The following ADAMTS17 variants were observed in gnomAD, a reference collection of about 807,000 sequenced individuals.
ADAMTS17 encodes A disintegrin and metalloproteinase with thrombospondin motifs 17.
Under a neutral mutation model 141.5 loss-of-function variants are expected in ADAMTS17, and 113 were observed. The observed-to-expected ratio is 0.80, with a 90% CI of 0.69 to 0.93. ADAMTS17 has a LOEUF of 0.93. ADAMTS17 is among the 40% of genes least tolerant of loss of function. The probability of loss-of-function intolerance (pLI) is 0.00; values close to 1 mark genes in which losing one functional copy is unlikely to be tolerated. For synonymous variants in ADAMTS17, 768 were observed against 630.6 expected, an observed-to-expected ratio of 1.22 and a Z score of -3.27; for missense variants, 1,659 against 1,517.9, an observed-to-expected ratio of 1.09 and a Z score of -1.54.
intron 18 of ADAMTS17, among the ~76,000 whole-genome samples, chr15:100,031,220 G>C (rs1348035736): frequency 2.0e-5 from 3 of 152,164 alleles, no homozygotes; most frequent in South Asian, 4.1e-4. Context: ...GAAATGGATG[G>C]AGCATTTCAT....
At chr15:100,330,152 G>A (rs546901991) in intron 3 of ADAMTS17, among the ~76,000 whole-genome samples, 1 of 152,252 alleles carries the variant, frequency 6.6e-6, no homozygotes, top group East Asian at 1.9e-4. Context: ...TTCAAAGAGA[G>A]ACCCAGAGTA....
intron 18 of ADAMTS17, among the ~76,000 whole-genome samples, chr15:100,035,284 A>G (rs1337245845): frequency 6.6e-6 from 1 of 152,224 alleles, no homozygotes; most frequent in Admixed American, 6.5e-5. Context: ...GAAGGTCTCA[A>G]ATGGTTTCTT....
chr15:100,161,452 C>T (rs965392574), intron 8 of ADAMTS17, among the ~76,000 whole-genome samples: 5 of 152,132 alleles, frequency 3.3e-5, no homozygotes, highest in African/African-American at 4.8e-5. Flanking sequence ...CTTGGGCTCC[C>T]GTGAACACAG....
Position 100,034,262 on chromosome 15 carries a change from G to A in ADAMTS17, c.2591+14595C>T, listed in dbSNP as rs115617972. On this transcript the variant is annotated intron_variant, in intron 18 of 21. Coordinates refer to ENST00000268070, the MANE Select transcript of ADAMTS17 (RefSeq NM_139057.4). Reference sequence around the variant, plus strand: ...GTGGCACACCAACAGTGCGTCTGCTGGCAAGAGACCATGGAGGATTCAGAC... The same window carrying A: ...GTGGCACACCAACAGTGCGTCTGCTAGCAAGAGACCATGGAGGATTCAGAC... Among the ~76,000 whole-genome samples the A allele has an allele frequency of 1.3e-3, 192 of 152,364 alleles. 1 individual carries two copies. The highest frequency in any genetic ancestry group is 4.4e-3 in the African/African-American group (184 of 41,592).
At chr15:100,328,883 A>C (rs569863716) in intron 3 of ADAMTS17, among the ~76,000 whole-genome samples, 1 of 152,286 alleles carries the variant, frequency 6.6e-6, no homozygotes, top group South Asian at 2.1e-4. Flanking sequence ...AGTGAGAAGA[A>C]GACACATCTG....
At chr15:100,161,981 T>C (rs12441900) in intron 8 of ADAMTS17, among the ~76,000 whole-genome samples, 3,120 of 152,306 alleles carry the variant, frequency 0.02, 162 homozygotes, top group East Asian at 0.19. Context: ...GGGGTCGCCA[T>C]AGATTTAGCT....
chr15:100,019,412 G>A (rs1180821040), intron 18 of ADAMTS17, among the ~76,000 whole-genome samples: 1 of 152,164 alleles, frequency 6.6e-6, no homozygotes, highest in East Asian at 1.9e-4. Flanking sequence ...TTAAAACTGG[G>A]AAGTGGAGAC....
chr15:100,003,802 G>A (rs2060977948), intron 18 of ADAMTS17, among the ~76,000 whole-genome samples: 1 of 152,104 alleles, frequency 6.6e-6, no homozygotes, highest in African/African-American at 2.4e-5. Context: ...ACTTATGTGA[G>A]ATCCCTGGAG....
At chr15:100,258,723 G>A (rs545330366) in intron 6 of ADAMTS17, among the ~76,000 whole-genome samples, 12 of 152,144 alleles carry the variant, frequency 7.9e-5, no homozygotes, top group East Asian at 3.9e-4. Context: ...CAGCAAAACC[G>A]TATCATTTTG....
rs371497887 is a variant in ADAMTS17, at chr15:99,976,175, G to A, written c.2997C>T (p.Cys999=). The change falls in exon 21 of 22, where the codon TGC becomes TGT. Residue 999 remains cysteine (C), a synonymous_variant. Coordinates refer to ENST00000268070, the MANE Select transcript of ADAMTS17 (RefSeq NM_139057.4). ...GKGLQSRVVQ[C]MHKVTGRHGS... ...CGTGGCGCCCTGTGACCTTGTGCATGCACTGCACCACCCGGGACTGCAGGC... is the reference window on the plus strand; with the variant it reads ...CGTGGCGCCCTGTGACCTTGTGCATACACTGCACCACCCGGGACTGCAGGC... The A allele has an allele frequency of 2.6e-6, 4 of 1,550,104 alleles. No individual in the cohort carries two copies. Among genetic ancestry groups the A allele is most frequent in the Non-Finnish European group, 3.5e-6 (4 of 1,147,000 alleles).
At chr15:100,269,520 G>A (rs1371584064) in intron 4 of ADAMTS17, among the ~76,000 whole-genome samples, 1 of 152,204 alleles carries the variant, frequency 6.6e-6, no homozygotes, top group African/African-American at 2.4e-5. Context: ...GCTCCCAGGA[G>A]GTGAGCTCTA....
intron 8 of ADAMTS17, among the ~76,000 whole-genome samples, chr15:100,178,871 T>C (rs1203608823): frequency 6.6e-6 from 1 of 152,212 alleles, no homozygotes; most frequent in African/African-American, 2.4e-5. Flanking sequence ...TTGTGCCACT[T>C]CATTCTGGCC....
At chr15:100,057,651 C>T (rs566041911) in intron 15 of ADAMTS17, among the ~76,000 whole-genome samples, 2 of 152,270 alleles carry the variant, frequency 1.3e-5, no homozygotes, top group East Asian at 1.9e-4. Flanking sequence ...TTTTCCCTCC[C>T]GTCACGTGGG....
intron 15 of ADAMTS17, among the ~76,000 whole-genome samples, chr15:100,063,310 C>A (rs574621713): frequency 4.1e-4 from 62 of 152,342 alleles, no homozygotes; most frequent in African/African-American, 1.5e-3. Context: ...GGGCTTCCTG[C>A]AAGTTGGCCA....
intron 10 of ADAMTS17, among the ~76,000 whole-genome samples, chr15:100,142,762 A>C (rs2038720108): frequency 1.3e-5 from 2 of 152,194 alleles, no homozygotes; most frequent in South Asian, 4.1e-4. Flanking sequence ...AAGGCAATTA[A>C]CGAGAAAAGA....
rs1392372110 is a variant in ADAMTS17 at position 100,215,002 on chromosome 15, T to C, written c.1076-15579A>G. On this transcript the variant is annotated intron_variant, in intron 7 of 21. Transcript: ENST00000268070. ...CCCATAGATCTTTTACACCTCCATT[T>C]GGTATCATGAAATAAAGACTAATTC... is the stretch of plus-strand genomic sequence containing the variant. Among the ~76,000 whole-genome samples the C allele has an allele frequency of 3.3e-5, 5 of 152,212 alleles. No individual in the cohort carries two copies. The East Asian group carries it at 9.6e-4, about 29-fold the overall frequency.
intron 7 of ADAMTS17, among the ~76,000 whole-genome samples, chr15:100,209,896 T>C (rs924583693): frequency 1.3e-5 from 2 of 152,206 alleles, no homozygotes; most frequent in African/African-American, 2.4e-5. Context: ...ATAGCATGCA[T>C]GTCAATGTCT....
intron 18 of ADAMTS17, among the ~76,000 whole-genome samples, chr15:100,010,328 A>C (rs1298937697): frequency 6.6e-6 from 1 of 152,226 alleles, no homozygotes; most frequent in Non-Finnish European, 1.5e-5. Flanking sequence ...CTGAATGATA[A>C]GTAAATATAT....
chr15:100,073,149 G>C (rs918513928), intron 15 of ADAMTS17, among the ~76,000 whole-genome samples: 5 of 152,264 alleles, frequency 3.3e-5, no homozygotes, highest in African/African-American at 7.2e-5. Flanking sequence ...GCAGCCAACA[G>C]ACACGTGAAA....
Sources: gnomAD v4.1 joint callset for allele counts (sites outside exome capture counted in the v4.1 genomes callset) on GRCh38, gnomAD v4.1.1 for gene constraint, MANE v1.5 for transcripts, NCBI Gene and HGNC (gene_info 2026-07-23, HGNC 2026-07-21) for gene names.